Variants in STRN4 observed in about 807,000 individuals in gnomAD.
STRN4 encodes the protein striatin-4.
Under a neutral mutation model 77.9 loss-of-function variants are expected in STRN4, and 27 were observed. That is an observed-to-expected ratio of 0.35 (90% CI 0.26 to 0.48). The LOEUF (loss-of-function observed/expected upper bound fraction) is 0.48, where lower values mean the gene tolerates loss of function less well. Ranked by LOEUF, STRN4 falls within the 20% of genes least tolerant of loss-of-function variation. The pLI is 0.99. For synonymous variants in STRN4, 466 were observed against 443.1 expected (o/e 1.05, Z -0.65); for missense variants, 798 against 1,049.7 (o/e 0.76, Z 3.31).
rs768872625 is a variant in STRN4, at chr19:46,720,719, C to T, written c.2145G>A (p.Gln715=). Residue 715 remains glutamine, a synonymous_variant, in exon 17 of 18, where the codon CAG becomes CAA. Coordinates refer to ENST00000263280, the MANE Select transcript of STRN4 (RefSeq NM_013403.3). ...GCTTCTTGCGGTGGGCCGTGATCTC[C>T]TGCACGCACGTTTTGTTGTCCAGGC... is the stretch of plus-strand genomic sequence containing the variant. The part of the protein sequence containing the change: ...LWSLDNKTCV[Q]EITAHRKKHE... 2.5e-6 allele frequency: 4 copies of T among 1,609,432 alleles called. No homozygotes were observed. In the South Asian group the frequency reaches 4.4e-5, roughly 18 times the overall value.
intron 5 of STRN4, chr19:46,732,736 A>G: frequency 2.7e-6 from 1 of 376,670 alleles, no homozygotes; most frequent in East Asian, 5.0e-5. Flanking sequence ...CCTGCTGGCG[A>G]GGCACCCAGG....
rs890550170 is a variant in STRN4 at position 46,736,999 on chromosome 19, C to T, written c.461-98G>A. On this transcript the variant is annotated intron_variant, in intron 3 of 17. Transcript: ENST00000263280. The stretch of plus-strand genomic sequence containing the variant: ...TCACCCCTCCAACCCAAATCGGTCA[C>T]TGTCGCAGGTCCTGTGGCATCACTT... The T allele has an allele frequency of 1.8e-5, 21 of 1,163,808 alleles. No homozygotes were observed. The South Asian group carries it at 2.7e-4, about 15-fold the overall frequency. 72.1% of individuals were successfully genotyped at this position (1,163,808 alleles called of 1,614,324 possible). A position where few individuals can be genotyped will look rare whatever the true frequency, so the allele number is the denominator to read the frequency against.
rs746172360 is a variant in STRN4, at chr19:46,733,177, C to T, written c.599G>A (p.Arg200His). Residue 200 changes from arginine (R) to histidine (H), a missense_variant, in exon 5 of 18, where the codon CGT becomes CAT. By Grantham distance (29) the Arg-to-His change is conservative. This residue lies in a region of STRN4 where 511 missense variants were observed against 575.9 expected (regional missense o/e 0.89). Coordinates refer to ENST00000263280, the MANE Select transcript of STRN4 (RefSeq NM_013403.3). This position sits in a 1 kb window ranked among gnomAD's most constrained non-coding sequence, Gnocchi z 4.3. ...TILDMRSKRVRSLLGRSLELN... is the reference protein window; with the variant it reads ...TILDMRSKRVHSLLGRSLELN... Reference sequence around the variant, plus strand: ...CTCCAGCGAGCGGCCCAGCAGGGAACGGACGCGCTTGGACCGCATGTCGAG... The same window carrying T: ...CTCCAGCGAGCGGCCCAGCAGGGAATGGACGCGCTTGGACCGCATGTCGAG... 1.2e-5 allele frequency: 20 copies of T among 1,611,494 alleles called. No homozygotes were observed. The highest frequency in any genetic ancestry group is 4.5e-5 in the East Asian group (2 of 44,872).
intron 16 of STRN4, 123 bp from the exon 17 acceptor site, chr19:46,720,894 C>T: frequency 8.4e-7 from 1 of 1,185,494 alleles, no homozygotes; most frequent in Non-Finnish European, 1.1e-6. Context: ...TCTCCTCTCT[C>T]ACCCTCTGCT....
At chr19:46,722,606 G>A (rs577029482) in intron 14 of STRN4, among the ~76,000 whole-genome samples, 3 of 152,310 alleles carry the variant, frequency 2.0e-5, no homozygotes, top group South Asian at 2.1e-4. Context: ...CGGCCCTGAC[G>A]CGCTCTCCCC....
chr19:46,725,511 G>C lies in STRN4; in HGVS notation c.1386C>G (p.Leu462=), dbSNP rs1353333529. Reference sequence around the variant, plus strand: ...CCGCCTTCTGCAGGTTCCAGAGCTTGAGCGTGCCGTCCTCGGAGGCGGTGA... The same window carrying C: ...CCGCCTTCTGCAGGTTCCAGAGCTTCAGCGTGCCGTCCTCGGAGGCGGTGA... ...ALLTASEDGT[L]KLWNLQKAVT... Residue 462 remains leucine (L), a synonymous_variant, in exon 10 of 18, where the codon CTC becomes CTG. Coordinates refer to ENST00000263280, the MANE Select transcript of STRN4 (RefSeq NM_013403.3). The C allele has an allele frequency of 6.2e-7, 1 of 1,614,068 alleles. No homozygotes were observed. The highest frequency in any genetic ancestry group is 1.3e-5 in the African/African-American group (1 of 74,936).
chr19:46,738,032 C>T lies in STRN4; in HGVS notation c.460+132G>A. 2 of 928,990 alleles carry T rather than the reference C, an allele frequency of 2.2e-6. No individual in the cohort carries two copies. The highest frequency in any genetic ancestry group is 2.8e-5 in the South Asian group (2 of 71,996). 57.5% of individuals were successfully genotyped at this position (928,990 alleles called of 1,614,324 possible). The stretch of plus-strand genomic sequence containing the variant: ...GGGCTCTGAGAGTGAGATTCCGCCC[C>T]TCCCCAGCCCCGGGGCCGATTCTGC... On this transcript the variant is annotated intron_variant, in intron 3 of 17. Coordinates refer to ENST00000263280, the MANE Select transcript of STRN4 (RefSeq NM_013403.3). This position sits in a 1 kb window ranked among gnomAD's most constrained non-coding sequence, Gnocchi z 4.5.
At chr19:46,725,284 G>A (rs1289867105) in intron 11 of STRN4, 48 bp downstream of exon 11, 1 of 1,613,250 alleles carries the variant, frequency 6.2e-7, no homozygotes, top group Admixed American at 1.7e-5. Flanking sequence ...TCAGGAGTCA[G>A]GCTGCATTTA....
chr19:46,725,813 G>T, intron 9 of STRN4, 165 bp from the exon 10 acceptor site: 1 of 864,606 alleles, frequency 1.2e-6, no homozygotes, highest in Non-Finnish European at 1.7e-6. Context: ...CCTCTGCTGG[G>T]CAGAGTCTCC....
chr19:46,741,802 C>T lies in STRN4; in HGVS notation c.283-2914G>A, dbSNP rs570866998. Among the ~76,000 whole-genome samples the T allele has an allele frequency of 2.1e-3, 324 of 152,360 alleles. 1 individual carries two copies. Among genetic ancestry groups the T allele is most frequent in the Non-Finnish European group, 3.6e-3 (244 of 68,032 alleles). On this transcript the variant is annotated intron_variant, in intron 1 of 17. Transcript: ENST00000263280. The surrounding 1 kb of genome is among the most constrained non-coding windows in gnomAD (Gnocchi z 4.9). ...TGATGCCTCTCTGAATTCGCTGCTT[C>T]CTGTCCCAGCTAGCTGGGAAGAGTC...
chr19:46,723,438 C>T lies in STRN4; in HGVS notation c.1595-154G>A, dbSNP rs2054029960. Among the ~76,000 whole-genome samples the T allele has an allele frequency of 6.6e-6, 1 of 152,204 alleles. No individual in the cohort carries two copies. The highest frequency in any genetic ancestry group is 6.5e-5 in the Admixed American group (1 of 15,288). On this transcript the variant is annotated intron_variant, in intron 12 of 17. Coordinates refer to ENST00000263280, the MANE Select transcript of STRN4 (RefSeq NM_013403.3). The surrounding 1 kb of genome is among the most constrained non-coding windows in gnomAD (Gnocchi z 5.5). ...TGGTGCCCCTCGGAACTGTCCACTG[C>T]CAGGACAGCCCGGCAGCTGCTCACA... is the stretch of plus-strand genomic sequence containing the variant.
chr19:46,727,768 G>A, intron 8 of STRN4, 126 bp downstream of exon 8: 2 of 906,036 alleles, frequency 2.2e-6, no homozygotes, highest in East Asian at 2.6e-5. Context: ...GAACTTTTGG[G>A]GCAGGGAGGC....
chr19:46,732,258 CCTT>C (rs1378997195), intron 5 of STRN4: 1 of 152,702 alleles, frequency 6.5e-6, no homozygotes, highest in East Asian at 1.9e-4. Flanking sequence ...CCACACCTCT[CCTT>C]CTCAGAGTGG....
chr19:46,728,836 C>T, intron 6 of STRN4, 59 bp from the exon 7 acceptor site: 1 of 1,593,588 alleles, frequency 6.3e-7, no homozygotes, highest in Non-Finnish European at 8.6e-7. Flanking sequence ...ACTAAGCCAC[C>T]TCCGTGCCTA....
rs539599215 is a variant in STRN4, at chr19:46,727,985, T to C, written c.1062A>G (p.Gln354=). ...HELESRRVKL[Q]GILADLRDVD... ...CATCCCGCAGGTCAGCCAGAATGCCTTGGAGTTTGACCCGACGGCTTTCTG... is the reference window on the plus strand; with the variant it reads ...CATCCCGCAGGTCAGCCAGAATGCCCTGGAGTTTGACCCGACGGCTTTCTG... The change falls in exon 8 of 18, where the codon CAA becomes CAG. Residue 354 remains glutamine, a synonymous_variant. Transcript: ENST00000263280. The C allele has an allele frequency of 7.4e-6, 12 of 1,614,014 alleles. No individual in the cohort carries two copies. Among genetic ancestry groups the C allele is most frequent in the East Asian group, 2.2e-5 (1 of 44,884 alleles).
At chr19:46,739,077 C>T (rs1272166743) in intron 1 of STRN4, among the ~76,000 whole-genome samples, 189 bp from the exon 2 acceptor site, 1 of 152,210 alleles carries the variant, frequency 6.6e-6, no homozygotes, top group African/African-American at 2.4e-5. Context: ...GGATCTGTTT[C>T]CAGGGCCCCC....
In STRN4 at chr19:46,724,586, G is replaced by C. The variant is rs79035451; in HGVS notation, c.1594+221C>G. ...GCCGGCTCACAGAGATTCTCAGGCA[G>C]CTTCACCACCTCCTCCCACAGCCAT... On this transcript the variant is annotated intron_variant, in intron 12 of 17. Transcript: ENST00000263280. Among the ~76,000 whole-genome samples the C allele has an allele frequency of 7.7e-3, 1,176 of 152,360 alleles. 25 individuals are homozygous for C. The highest frequency in any genetic ancestry group is 0.053 in the East Asian group (275 of 5,178).
intron 1 of STRN4, 199 bp downstream of exon 1, chr19:46,745,950 C>G: frequency 3.7e-6 from 2 of 543,588 alleles, no homozygotes; most frequent in Non-Finnish European, 5.6e-6. Flanking sequence ...CCGTCCCGGT[C>G]CCGTCCCACC....
chr19:46,723,666 C>G lies in STRN4; in HGVS notation c.1595-382G>C, dbSNP rs2054035137. Among the ~76,000 whole-genome samples, 1 of 152,222 alleles carries G rather than the reference C, an allele frequency of 6.6e-6. No individual in the cohort carries two copies. ...TGTGCTGGACAAGGGTTGGTCCCAA[C>G]CCTGGCCCGAGCAGTCTTTTCAGCC... is the stretch of plus-strand genomic sequence containing the variant. On this transcript the variant is annotated intron_variant, in intron 12 of 17. Transcript: ENST00000263280. The surrounding 1 kb of genome is among the most constrained non-coding windows in gnomAD (Gnocchi z 5.5).
Sources: gnomAD v4.1 joint callset for allele counts (sites outside exome capture counted in the v4.1 genomes callset) on GRCh38, gnomAD v4.1.1 for gene constraint, gnomAD v4.1.1 regional missense constraint, Gnocchi (gnomAD v3.1) non-coding constraint, MANE v1.5 for transcripts, NCBI Gene and HGNC (gene_info 2026-07-23, HGNC 2026-07-21) for gene names.